The following PRKAR2A variants were observed in gnomAD, a reference collection of about 807,000 sequenced individuals.
PRKAR2A encodes the protein cAMP-dependent protein kinase type II-alpha regulatory subunit.
In PRKAR2A, 29 loss-of-function variants were observed where a neutral mutation model predicts 51.9. That is an observed-to-expected ratio of 0.56 (90% CI 0.42 to 0.76). The LOEUF (loss-of-function observed/expected upper bound fraction) is 0.76. PRKAR2A is among the 30% of genes least tolerant of loss of function. The pLI, the probability that PRKAR2A is intolerant of heterozygous loss-of-function variation, is 0.00. For synonymous variants in PRKAR2A, 178 were observed against 186.2 expected (o/e 0.96, Z 0.36); for missense variants, 445 against 512.1 (o/e 0.87, Z 1.26).
intron 4 of PRKAR2A, among the ~76,000 whole-genome samples, chr3:48,784,748 T>C (rs1315972629): frequency 2.0e-5 from 3 of 152,210 alleles, no homozygotes; most frequent in Non-Finnish European, 2.9e-5. Flanking sequence ...TGATAGGTTC[T>C]TGAAAACTGT....
intron 3 of PRKAR2A, among the ~76,000 whole-genome samples, chr3:48,790,893 A>G (rs976119404): frequency 6.6e-6 from 1 of 152,188 alleles, no homozygotes; most frequent in Non-Finnish European, 1.5e-5. Context: ...ATCTTCATCC[A>G]TAAAGCAGAG....
In PRKAR2A at chr3:48,782,838, C is replaced by T. The variant is rs573534516; in HGVS notation, c.542+148G>A. 196 of 608,876 alleles carry T rather than the reference C, an allele frequency of 3.2e-4. 1 individual carries two copies. In the East Asian group the frequency reaches 5.0e-3, roughly 16 times the overall value. The allele number at this position is 608,876 out of a possible 1,614,324, so 37.7% of individuals were successfully genotyped here. The stretch of plus-strand genomic sequence containing the variant: ...TCAGGACAGCACTGGTAGAGAGGGA[C>T]AAGCTGTGGACTCTCACAAGGCTTT... On this transcript the variant is annotated intron_variant, in intron 5 of 10. Transcript: ENST00000265563.
intron 3 of PRKAR2A, among the ~76,000 whole-genome samples, chr3:48,792,885 C>T (rs2082413481): frequency 2.0e-5 from 3 of 151,950 alleles, no homozygotes; most frequent in South Asian, 2.1e-4. Flanking sequence ...GCCGAATTCA[C>T]GTCACTGCAC....
chr3:48,836,419 TAAAAAAAAAAA>T (rs548970318), intron 1 of PRKAR2A, among the ~76,000 whole-genome samples: 5 of 56,136 alleles, frequency 8.9e-5, no homozygotes, highest in Admixed American at 4.1e-4. Context: ...AGACTCCGTC[TAAAAAAAAAAA>T]AAAAAAAAAA....
At chr3:48,803,032 A>C (rs1290477392) in intron 2 of PRKAR2A, among the ~76,000 whole-genome samples, 1 of 152,212 alleles carries the variant, frequency 6.6e-6, no homozygotes, top group Non-Finnish European at 1.5e-5. Context: ...TTGGTTAAAT[A>C]GAGAACAAGA....
intron 5 of PRKAR2A, among the ~76,000 whole-genome samples, chr3:48,778,470 C>T (rs1000118130): frequency 3.3e-5 from 5 of 152,030 alleles, no homozygotes; most frequent in South Asian, 4.2e-4. Flanking sequence ...TATAGGCATG[C>T]GCCACCATGC....
intron 5 of PRKAR2A, among the ~76,000 whole-genome samples, chr3:48,781,332 G>A (rs2082194011): frequency 6.7e-6 from 1 of 148,294 alleles, no homozygotes; most frequent in African/African-American, 2.5e-5. Flanking sequence ...CTAACCTAGG[G>A]AACCTGTATT....
intron 8 of PRKAR2A, among the ~76,000 whole-genome samples, chr3:48,763,965 AGC>A (rs2081900996): frequency 6.6e-6 from 1 of 152,090 alleles, no homozygotes; most frequent in Admixed American, 6.6e-5. Context: ...CTTCCAAGGG[AGC>A]TTTTTTCTCC....
At chr3:48,801,179 T>C (rs2082584018) in intron 2 of PRKAR2A, among the ~76,000 whole-genome samples, 1 of 152,082 alleles carries the variant, frequency 6.6e-6, no homozygotes, top group Non-Finnish European at 1.5e-5. Flanking sequence ...TGAGACGGAA[T>C]TTCGCTCTTG....
chr3:48,800,520 A>C (rs1318885717), intron 2 of PRKAR2A, among the ~76,000 whole-genome samples: 1 of 151,304 alleles, frequency 6.6e-6, no homozygotes, highest in African/African-American at 2.4e-5. Context: ...TCAAAAAAAA[A>C]AAAAACTATA....
At chr3:48,812,281 G>C (rs1171210649) in intron 1 of PRKAR2A, among the ~76,000 whole-genome samples, 1 of 152,052 alleles carries the variant, frequency 6.6e-6, no homozygotes, top group Non-Finnish European at 1.5e-5. Flanking sequence ...TTTACTATAT[G>C]CTAGACATTG....
intron 5 of PRKAR2A, among the ~76,000 whole-genome samples, chr3:48,782,586 G>A (rs527554448): frequency 6.6e-6 from 1 of 152,130 alleles, no homozygotes; most frequent in Non-Finnish European, 1.5e-5. Flanking sequence ...CTCCCAAGCA[G>A]CTGGGATTAC....
At chr3:48,823,320 C>CG (rs1006499246) in intron 1 of PRKAR2A, among the ~76,000 whole-genome samples, 3 of 151,516 alleles carry the variant, frequency 2.0e-5, no homozygotes, top group African/African-American at 4.8e-5. Context: ...AAGGGGGTGT[C>CG]GGGGGGGTGC....
chr3:48,772,391 G>C, intron 6 of PRKAR2A, among the ~76,000 whole-genome samples: 1 of 151,828 alleles, frequency 6.6e-6, no homozygotes, highest in Non-Finnish European at 1.5e-5. Flanking sequence ...ATTTTTAGTA[G>C]AGACACGGTT....
chr3:48,755,860 G>A (rs1216602584), intron 9 of PRKAR2A, among the ~76,000 whole-genome samples: 3 of 150,062 alleles, frequency 2.0e-5, no homozygotes, highest in Non-Finnish European at 4.4e-5. Context: ...CTGACTGCAA[G>A]CTCTGCCTCC....
At chr3:48,826,890 AAAAC>A (rs752123734) in intron 1 of PRKAR2A, among the ~76,000 whole-genome samples, 9 of 152,034 alleles carry the variant, frequency 5.9e-5, no homozygotes, top group Admixed American at 2.6e-4. Context: ...TAAAAAAAAA[AAAAC>A]AAAGTAAACT....
intron 1 of PRKAR2A, among the ~76,000 whole-genome samples, chr3:48,831,334 A>G (rs2083184074): frequency 6.6e-6 from 1 of 151,784 alleles, no homozygotes; most frequent in Non-Finnish European, 1.5e-5. Context: ...ACTGAACAAT[A>G]ACTCTCTAGC....
intron 8 of PRKAR2A, among the ~76,000 whole-genome samples, chr3:48,760,597 G>A (rs939869173): frequency 6.0e-5 from 9 of 151,086 alleles, no homozygotes; most frequent in Admixed American, 4.0e-4. Context: ...CGAGGCTGAG[G>A]TGGGCGGATC....
Position 48,765,030 on chromosome 3 carries a change from T to C in PRKAR2A, c.847A>G (p.Lys283Glu), listed in dbSNP as rs2081919394. 1 of 1,614,106 alleles carries C rather than the reference T, an allele frequency of 6.2e-7. No individual in the cohort carries two copies. The highest frequency in any genetic ancestry group is 1.1e-5 in the South Asian group (1 of 91,088). The part of the protein sequence containing the change: ...IVDVIGEKIY[K>E]DGERIITQGE... Reference sequence around the variant, plus strand: ...TGAGTGATTATGCGTTCTCCATCCTTATAGATCTTCTCTCCTATTACATCC... The same window carrying C: ...TGAGTGATTATGCGTTCTCCATCCTCATAGATCTTCTCTCCTATTACATCC... Residue 283 changes from lysine to glutamate, a missense_variant, in exon 8 of 11, where the codon AAG (lysine) becomes GAG (glutamate). Physicochemically the swap from Lys to Glu is moderately conservative, Grantham distance 56. Transcript: ENST00000265563.
Sources: allele counts gnomAD v4.1 joint callset (sites outside exome capture counted in the v4.1 genomes callset), GRCh38; gene constraint gnomAD v4.1.1; transcripts MANE v1.5; gene names NCBI Gene and HGNC (gene_info 2026-07-23, HGNC 2026-07-21).